The following OOSP2 variants were observed in gnomAD, a reference collection of about 807,000 sequenced individuals.
OOSP2 encodes oocyte secreted protein 2, also known as oocyte-secreted protein 2.
Under a neutral mutation model 13.4 loss-of-function variants are expected in OOSP2, and 7 were observed. The observed-to-expected ratio is 0.52, with a 90% CI of 0.30 to 0.98. The LOEUF is 0.98. Ranked by LOEUF, OOSP2 falls within the 50% of genes least tolerant of loss-of-function variation. The pLI is 0.07. For missense variants in OOSP2, 184 were observed against 188.5 expected (o/e 0.98, Z 0.14); for synonymous variants, 75 against 67.2 (o/e 1.12, Z -0.57).
chr11:60,044,885 T>C (rs1227831752), intron 3 of OOSP2, 111 bp downstream of exon 3: 2 of 484,192 alleles, frequency 4.1e-6, no homozygotes, highest in African/African-American at 3.9e-5. Context: ...CACCCATAAG[T>C]ATAATTGTAA....
intron 1 of OOSP2, among the ~76,000 whole-genome samples, chr11:60,042,359 G>A (rs1257281295): frequency 6.6e-6 from 1 of 152,204 alleles, no homozygotes; most frequent in Non-Finnish European, 1.5e-5. Context: ...TAAAGGTTAT[G>A]ATCACTAATG....
At chr11:60,044,254 G>C (rs1483684991) in intron 2 of OOSP2, among the ~76,000 whole-genome samples, 1 of 152,152 alleles carries the variant, frequency 6.6e-6, no homozygotes, top group Non-Finnish European at 1.5e-5. Flanking sequence ...GCTTCAGAAG[G>C]TGCTTTACCA....
rs1454435824 is a variant in OOSP2 at position 60,047,275 on chromosome 11, ATTAAT to A, written c.*207_*211del. 6.9e-6 allele frequency: 3 copies of A among 431,758 alleles called. No individual in the cohort carries two copies. The highest frequency in any genetic ancestry group is 4.0e-5 in the Admixed American group (1 of 25,148). The allele number at this position is 431,758 out of a possible 1,614,324, so 26.7% of individuals were successfully genotyped here. On this transcript the variant is annotated 3_prime_UTR_variant, in exon 4 of 4. Coordinates refer to ENST00000278855, the MANE Select transcript of OOSP2 (RefSeq NM_173801.5). The stretch of plus-strand genomic sequence containing the variant: ...TTTGTATTCAGTAGGGGTATGGCTG[ATTAAT>A]TTAACATTAACTATTAGGTAATTCA...
Position 60,044,755 on chromosome 11 carries a change from T to G in OOSP2, c.328T>G (p.Leu110Val). 1 of 1,575,074 alleles carries G rather than the reference T, an allele frequency of 6.3e-7. No homozygotes were observed. Among genetic ancestry groups the G allele is most frequent in the Non-Finnish European group, 8.7e-7 (1 of 1,145,392 alleles). Reference protein sequence around the residue: ...NIDHDPQEIHLECSTSRKSVW... With the variant: ...NIDHDPQEIHVECSTSRKSVW... The stretch of plus-strand genomic sequence containing the variant: ...AGATCATGACCCTCAGGAAATCCAT[T>G]TGGAGTGTTCCACCTCTAGGTAAGT... Residue 110 changes from leucine (L) to valine (V), a missense_variant, in exon 3 of 4, where the codon TTG becomes GTG. Physicochemically the swap from Leu to Val is conservative, Grantham distance 32. Coordinates refer to ENST00000278855, the MANE Select transcript of OOSP2 (RefSeq NM_173801.5).
chr11:60,045,596 A>C (rs1191986517), intron 3 of OOSP2, among the ~76,000 whole-genome samples: 4 of 134,454 alleles, frequency 3.0e-5, no homozygotes, highest in Non-Finnish European at 6.4e-5. Flanking sequence ...ATTTTGGTAA[A>C]ATATACATAA....
chr11:60,043,746 A>G (rs1189974013), intron 2 of OOSP2, 99 bp downstream of exon 2: 1 of 658,286 alleles, frequency 1.5e-6, no homozygotes, highest in Non-Finnish European at 2.6e-6. Context: ...TTTGCTTCTC[A>G]TTGTAGTAAT....
In OOSP2 at chr11:60,046,207, C is replaced by G. The variant is rs199836969; in HGVS notation, c.348-737C>G. 3.8e-3 allele frequency among the ~76,000 whole-genome samples: 535 copies of G among 141,556 alleles called. 2 individuals are homozygous for G. Among genetic ancestry groups the G allele is most frequent in the African/African-American group, 0.012 (474 of 40,036 alleles). 92.9% of individuals were successfully genotyped at this position (141,556 alleles called of 152,430 possible). On this transcript the variant is annotated intron_variant, in intron 3 of 3. Coordinates refer to ENST00000278855, the MANE Select transcript of OOSP2 (RefSeq NM_173801.5). ...TCGGTTTCTCTGTCTCTCTCTCTCT[C>G]TCTGTCTCTCTCTCTTTCTCCCTGT...
At chr11:60,045,674 G>T (rs1854999007) in intron 3 of OOSP2, among the ~76,000 whole-genome samples, 1 of 151,956 alleles carries the variant, frequency 6.6e-6, no homozygotes, top group Non-Finnish European at 1.5e-5. Flanking sequence ...TTGGGAAAAT[G>T]TACAAATCTT....
chr11:60,040,583 C>A, intron 1 of OOSP2, 60 bp downstream of exon 1: 1 of 959,882 alleles, frequency 1.0e-6, no homozygotes, highest in Non-Finnish European at 1.7e-6. Context: ...GATCGCTTTC[C>A]ATGCAGGTGT....
In OOSP2 at chr11:60,044,657, TC is replaced by T. The variant is rs1343273612; in HGVS notation, c.244-13del. The T allele has an allele frequency of 8.0e-7, 1 of 1,250,834 alleles. No individual in the cohort carries two copies. The highest frequency in any genetic ancestry group is 1.2e-6 in the Non-Finnish European group (1 of 853,904). 77.5% of individuals were successfully genotyped at this position (1,250,834 alleles called of 1,614,324 possible). A position where few individuals can be genotyped will look rare whatever the true frequency, so the allele number is the denominator to read the frequency against. ...ACTCCAAATATCTTCCACTGAAACT[TC>T]ATGCTCTCCTAGGTAGTTTCTGAGG... On this transcript the variant is annotated splice_polypyrimidine_tract_variant and intron_variant, in intron 2 of 3. Transcript: ENST00000278855.
chr11:60,041,962 G>A (rs529931234), intron 1 of OOSP2, among the ~76,000 whole-genome samples: 2 of 151,568 alleles, frequency 1.3e-5, no homozygotes, highest in South Asian at 4.2e-4. Context: ...GGATCACGAG[G>A]TCAGCCAGGC....
rs1322404260 is a variant in OOSP2, at chr11:60,047,293, A to T, written c.*220A>T. ...ATGGCTGATTAATTTAACATTAACT[A>T]TTAGGTAATTCATATTATACATTTA... On this transcript the variant is annotated 3_prime_UTR_variant, in exon 4 of 4. Transcript: ENST00000278855. 5.3e-6 allele frequency: 2 copies of T among 379,950 alleles called. No individual in the cohort carries two copies. Among genetic ancestry groups the T allele is most frequent in the Non-Finnish European group, 9.4e-6 (2 of 212,306 alleles). The allele number at this position is 379,950 out of a possible 1,614,324, so 23.5% of individuals were successfully genotyped here.
At position 60,043,562 on chromosome 11, in the gene OOSP2, T is replaced by A; in HGVS notation, c.158T>A (p.Leu53Gln). 6.2e-7 allele frequency: 1 copy of A among 1,609,582 alleles called. No homozygotes were observed. The highest frequency in any genetic ancestry group is 8.5e-7 in the Non-Finnish European group (1 of 1,175,878). Residue 53 changes from leucine to glutamine, a missense_variant, in exon 2 of 4, where the codon CTG (leucine) becomes CAG (glutamine). Leu to Gln is a moderately radical substitution (Grantham distance 113, BLOSUM62 -2). Coordinates refer to ENST00000278855, the MANE Select transcript of OOSP2 (RefSeq NM_173801.5). ...NLYIFADELH[L>Q]GMGCPANRIH... is the part of the protein sequence containing the mutation. ...TATATATTTGCGGATGAATTACATC[T>A]GGGAATGGGCTGCCCTGCAAATCGG...
intron 1 of OOSP2, among the ~76,000 whole-genome samples, chr11:60,042,975 G>T (rs138724566): frequency 0.031 from 4,666 of 151,892 alleles, 221 homozygotes; most frequent in African/African-American, 0.1. Context: ...CGCGATCTTG[G>T]TTCACTGCAA....
chr11:60,047,012 C>G lies in OOSP2; in HGVS notation c.416C>G (p.Ala139Gly), dbSNP rs1855016119. The G allele has an allele frequency of 1.2e-6, 2 of 1,609,024 alleles. No individual in the cohort carries two copies. The highest frequency in any genetic ancestry group is 1.7e-6 in the Non-Finnish European group (2 of 1,175,508). Residue 139 changes from alanine (A) to glycine (G), a missense_variant, in exon 4 of 4, where the codon GCT becomes GGT. By Grantham distance (60) the Ala-to-Gly change is moderately conservative. Transcript: ENST00000278855. ...EIKLDPSPFI[A>G]DFQTTAEELG... ...AAATTGGATCCTAGTCCTTTTATTG[C>G]TGACTTTCAGACAACAGCAGAAGAG...
At chr11:60,041,022 AGCTAAGTCAGC>A (rs1351914081) in intron 1 of OOSP2, among the ~76,000 whole-genome samples, 5 of 152,246 alleles carry the variant, frequency 3.3e-5, no homozygotes, top group African/African-American at 1.2e-4. Flanking sequence ...AATAGGAGAA[AGCTAAGTCAGC>A]GCGTTGCTGT....
Position 60,047,195 on chromosome 11 carries a change from C to G in OOSP2, c.*122C>G. On this transcript the variant is annotated 3_prime_UTR_variant, in exon 4 of 4. Coordinates refer to ENST00000278855, the MANE Select transcript of OOSP2 (RefSeq NM_173801.5). ...TCCTTAAGTCTCTGGTTTCTAAAAA[C>G]CCTACTTCAGTAAAGGTCCTGATTA... 1 of 775,824 alleles carries G rather than the reference C, an allele frequency of 1.3e-6. No individual in the cohort carries two copies. The highest frequency in any genetic ancestry group is 2.1e-6 in the Non-Finnish European group (1 of 484,316). The allele number at this position is 775,824 out of a possible 1,614,324, so 48.1% of individuals were successfully genotyped here. A position where few individuals can be genotyped will look rare whatever the true frequency, so the allele number is the denominator to read the frequency against.
intron 3 of OOSP2, chr11:60,046,742 A>G (rs751667274): frequency 5.8e-5 from 40 of 684,050 alleles, no homozygotes; most frequent in Non-Finnish European, 1.0e-4. Flanking sequence ...TGGGGAGACT[A>G]TCTGGAATTA....
In OOSP2 at chr11:60,040,453, G is replaced by C. The variant is rs753817783; in HGVS notation, c.-7G>C. 5.0e-5 allele frequency: 79 copies of C among 1,574,144 alleles called. No individual in the cohort carries two copies. Among genetic ancestry groups the C allele is most frequent in the Non-Finnish European group, 6.5e-5 (74 of 1,143,578 alleles). Reference sequence around the variant, plus strand: ...TGTGCTGGAGGTCTGCTCAGACGAAGGTCTCCATGGCGTTAGAAGTCTTGA... The same window carrying C: ...TGTGCTGGAGGTCTGCTCAGACGAACGTCTCCATGGCGTTAGAAGTCTTGA... On this transcript the variant is annotated 5_prime_UTR_variant, in exon 1 of 4. Coordinates refer to ENST00000278855, the MANE Select transcript of OOSP2 (RefSeq NM_173801.5).
Sources: gnomAD v4.1 joint callset for allele counts (sites outside exome capture counted in the v4.1 genomes callset) on GRCh38, gnomAD v4.1.1 for gene constraint, MANE v1.5 for transcripts, NCBI Gene and HGNC (gene_info 2026-07-23, HGNC 2026-07-21) for gene names.